Variants in ZC3HC1 observed in about 807,000 individuals in gnomAD.
The protein encoded by ZC3HC1 is zinc finger C3HC-type containing 1.
Under a neutral mutation model 61.9 loss-of-function variants are expected in ZC3HC1, and 38 were observed. The ratio of observed to expected loss-of-function variants is 0.61; its 90% CI spans 0.47 to 0.81. The LOEUF is 0.81. ZC3HC1 is among the 30% of genes least tolerant of loss of function. The pLI is 0.00. For synonymous variants in ZC3HC1, 213 were observed against 229.9 expected (o/e 0.93, Z 0.67); for missense variants, 554 against 622.7 (o/e 0.89, Z 1.17).
At chr7:130,040,799 A>AC (rs1309630153) in intron 3 of ZC3HC1, 152 bp downstream of exon 3, 23 of 783,562 alleles carry the variant, frequency 2.9e-5, no homozygotes, top group Admixed American at 6.5e-5. Flanking sequence ...AACAAGCAAG[A>AC]CCCCATCTCA....
chr7:130,034,572 A>AT (rs1246031869), intron 4 of ZC3HC1, among the ~76,000 whole-genome samples: 1 of 151,496 alleles, frequency 6.6e-6, no homozygotes. Flanking sequence ...ATAGCTCACT[A>AT]TAACTTGGAA....
At chr7:130,035,764 G>C (rs1019462431) in intron 4 of ZC3HC1, among the ~76,000 whole-genome samples, 4 of 152,146 alleles carry the variant, frequency 2.6e-5, no homozygotes, top group African/African-American at 9.7e-5. Flanking sequence ...TCACAGGTGT[G>C]AGCCATCACG....
intron 4 of ZC3HC1, among the ~76,000 whole-genome samples, chr7:130,032,741 C>CTACCTGAT (rs1794262860): frequency 4.3e-5 from 1 of 23,046 alleles, no homozygotes; most frequent in Non-Finnish European, 8.1e-5. Flanking sequence ...GAGGGAGGGA[C>CTACCTGAT]AGTAAGAGGG....
chr7:130,022,358 C>A lies in ZC3HC1; in HGVS notation c.1401G>T (p.Ala467=). The A allele has an allele frequency of 6.2e-7, 1 of 1,614,066 alleles. No individual in the cohort carries two copies. Among genetic ancestry groups the A allele is most frequent in the African/African-American group, 1.3e-5 (1 of 75,036 alleles). The change falls in exon 9 of 10, where the codon GCG becomes GCT. Residue 467 remains alanine, a synonymous_variant. Transcript: ENST00000358303. ...CAGCTGGCTGGCTAGACTGTTTGTG[C>A]GCCAAGAGGATGGTCAGCACTGCTT... ...GWKAVLTILL[A]HKQSSQPAET... is the part of the protein sequence containing the mutation.
At chr7:130,025,093 A>G (rs977861713) in intron 6 of ZC3HC1, among the ~76,000 whole-genome samples, 16 of 144,454 alleles carry the variant, frequency 1.1e-4, no homozygotes, top group African/African-American at 3.6e-4. Context: ...TTTGGTAGAG[A>G]TGGGGTTTCA....
intron 2 of ZC3HC1, chr7:130,043,871 G>T: frequency 4.4e-6 from 2 of 455,524 alleles, no homozygotes; most frequent in Non-Finnish European, 8.8e-6. Flanking sequence ...ATAGGGGATT[G>T]ATCAAAGTAG....
At chr7:130,035,591 C>T (rs1794401593) in intron 4 of ZC3HC1, among the ~76,000 whole-genome samples, 1 of 151,978 alleles carries the variant, frequency 6.6e-6, no homozygotes, top group Non-Finnish European at 1.5e-5. Flanking sequence ...AGCGATTCTC[C>T]TGCCTCAACA....
chr7:130,023,988 C>A lies in ZC3HC1; in HGVS notation c.1021-265G>T, dbSNP rs556607717. Among the ~76,000 whole-genome samples, 3 of 151,852 alleles carry A rather than the reference C, an allele frequency of 2.0e-5. No individual in the cohort carries two copies. The highest frequency in any genetic ancestry group is 6.6e-5 in the Admixed American group (1 of 15,216). ...CTAATTTTTGCATTTTTGGTAGAGA[C>A]GGGGTTTCACCATGTTGGCCAGGCT... On this transcript the variant is annotated intron_variant, in intron 7 of 9. Coordinates refer to ENST00000358303, the MANE Select transcript of ZC3HC1 (RefSeq NM_016478.5). This position sits in a 1 kb window ranked among gnomAD's most constrained non-coding sequence, Gnocchi z 4.2.
At chr7:130,037,030 G>T (rs897092028) in intron 4 of ZC3HC1, 3 of 152,238 alleles carry the variant, frequency 2.0e-5, no homozygotes, top group African/African-American at 7.2e-5. Context: ...CAAAAGAGAG[G>T]TCTGGATAGG....
At chr7:130,046,933 C>T (rs1794890630) in intron 2 of ZC3HC1, among the ~76,000 whole-genome samples, 1 of 150,764 alleles carries the variant, frequency 6.6e-6, no homozygotes, top group East Asian at 2.0e-4. Flanking sequence ...GGATTACAGG[C>T]GCATGCCACC....
chr7:130,032,928 C>T (rs961352358), intron 4 of ZC3HC1, among the ~76,000 whole-genome samples: 2 of 152,120 alleles, frequency 1.3e-5, no homozygotes, highest in Non-Finnish European at 2.9e-5. Flanking sequence ...TGCTCTCCTG[C>T]TTACTAAAAT....
intron 9 of ZC3HC1, among the ~76,000 whole-genome samples, chr7:130,021,038 C>T (rs1031257235): frequency 1.3e-5 from 2 of 152,026 alleles, no homozygotes; most frequent in Non-Finnish European, 2.9e-5. Context: ...GCTGGGATTA[C>T]AGGCGCCTGC....
chr7:130,050,468 G>A (rs1384423080), intron 1 of ZC3HC1: 11 of 1,523,304 alleles, frequency 7.2e-6, no homozygotes, highest in African/African-American at 7.0e-5. Context: ...GATTCATAGA[G>A]AGCCTCAAGC....
chr7:130,029,129 G>C, intron 4 of ZC3HC1, 100 bp from the exon 5 acceptor site: 1 of 1,334,122 alleles, frequency 7.5e-7, no homozygotes, highest in South Asian at 1.5e-5. Context: ...CCAGCACTTT[G>C]GAAGGCCGAG....
chr7:130,049,171 TA>T, intron 1 of ZC3HC1, 27 bp from the exon 2 acceptor site: 1 of 1,553,716 alleles, frequency 6.4e-7, no homozygotes, highest in Non-Finnish European at 8.7e-7. Context: ...AAACTGTTGG[TA>T]AACCTTTCAC....
At chr7:130,045,505 G>A in intron 2 of ZC3HC1, 1 of 457,488 alleles carries the variant, frequency 2.2e-6, no homozygotes, top group South Asian at 1.5e-5. Context: ...GAGACAAAAT[G>A]ACAGCCCAGA....
Position 130,048,243 on chromosome 7 carries a change from A to G in ZC3HC1, c.258+790T>C, listed in dbSNP as rs962703529. 1.4e-4 allele frequency among the ~76,000 whole-genome samples: 21 copies of G among 146,384 alleles called. 1 individual carries two copies. The highest frequency in any genetic ancestry group is 9.4e-4 in the Admixed American group (13 of 13,854). On this transcript the variant is annotated intron_variant, in intron 2 of 9. Coordinates refer to ENST00000358303, the MANE Select transcript of ZC3HC1 (RefSeq NM_016478.5). ...CGACTCACTGCAAACTCTGCCTCCT[A>G]GGTTCAAGCTATTCTCCTGCCTCAG... is the stretch of plus-strand genomic sequence containing the variant.
intron 4 of ZC3HC1, among the ~76,000 whole-genome samples, chr7:130,032,843 A>AGGAGGGGAAGGAG (rs1250971527): frequency 7.1e-6 from 1 of 140,438 alleles, no homozygotes. Flanking sequence ...AAAGATGGGA[A>AGGAGGGGAAGGAG]GGAGGGGAAG....
rs1271818345 is a variant in ZC3HC1, at chr7:130,023,411, T to C, written c.1233+100A>G. On this transcript the variant is annotated intron_variant, in intron 8 of 9. Coordinates refer to ENST00000358303, the MANE Select transcript of ZC3HC1 (RefSeq NM_016478.5). This position sits in a 1 kb window ranked among gnomAD's most constrained non-coding sequence, Gnocchi z 4.2. ...TTATTCACATGGTCTACTTTTTGCATTGGACCACGGAAGGGCTCCTGCCTG... is the reference window on the plus strand; with the variant it reads ...TTATTCACATGGTCTACTTTTTGCACTGGACCACGGAAGGGCTCCTGCCTG... The C allele has an allele frequency of 1.0e-5, 12 of 1,154,660 alleles. 1 individual carries two copies. The highest frequency in any genetic ancestry group is 9.5e-5 in the East Asian group (4 of 42,314). The allele number at this position is 1,154,660 out of a possible 1,614,324, so 71.5% of individuals were successfully genotyped here.
Sources: gnomAD v4.1 joint callset for allele counts (sites outside exome capture counted in the v4.1 genomes callset) on GRCh38, gnomAD v4.1.1 for gene constraint, Gnocchi (gnomAD v3.1) non-coding constraint, MANE v1.5 for transcripts, NCBI Gene and HGNC (gene_info 2026-07-23, HGNC 2026-07-21) for gene names.